NPAS3: variants seen among roughly 807,000 people sequenced by gnomAD.
The protein encoded by NPAS3 is neuronal PAS domain protein 3, also known as neuronal PAS domain-containing protein 3.
NPAS3 carries 14 observed loss-of-function variants against 73.1 expected under a neutral mutation model. The observed-to-expected ratio is 0.19, with a 90% CI of 0.13 to 0.30. The LOEUF is 0.30. Among genes scored for constraint, NPAS3 ranks in the 10% least tolerant of loss-of-function variants. The pLI, the probability that NPAS3 is intolerant of heterozygous loss-of-function variation, is 1.00. For missense variants in NPAS3, 1,096 were observed against 1,250.0 expected, an observed-to-expected ratio of 0.88 and a Z score of 1.86; for synonymous variants, 620 against 541.5, an observed-to-expected ratio of 1.14 and a Z score of -2.01.
intron 4 of NPAS3, among the ~76,000 whole-genome samples, chr14:33,537,571 T>C (rs1191486993): frequency 6.6e-6 from 1 of 152,176 alleles, no homozygotes; most frequent in Non-Finnish European, 1.5e-5. Flanking sequence ...AGTGAGATCA[T>C]CAACCTTATT....
chr14:33,638,206 T>C (rs1249974160), intron 5 of NPAS3, among the ~76,000 whole-genome samples: 1 of 152,216 alleles, frequency 6.6e-6, no homozygotes, highest in Non-Finnish European at 1.5e-5. Context: ...TTATATTACT[T>C]ATTTTAGGTT....
chr14:33,209,181 T>C (rs1365543863), intron 2 of NPAS3, among the ~76,000 whole-genome samples: 1 of 152,182 alleles, frequency 6.6e-6, no homozygotes, highest in African/African-American at 2.4e-5. Flanking sequence ...TTGTGATCTT[T>C]GTTGTGCATA....
intron 2 of NPAS3, among the ~76,000 whole-genome samples, chr14:33,193,757 G>A (rs1319415007): frequency 6.6e-6 from 1 of 152,132 alleles, no homozygotes; most frequent in Non-Finnish European, 1.5e-5. Context: ...CACCATCTCT[G>A]TGTTACAGTA....
chr14:33,631,431 G>A (rs2140137920), intron 5 of NPAS3, among the ~76,000 whole-genome samples: 1 of 152,300 alleles, frequency 6.6e-6, no homozygotes, highest in South Asian at 2.1e-4. Flanking sequence ...AGCTATGAAA[G>A]CCTTCAAAAC....
rs1214818038 is a variant in NPAS3 at position 33,031,927 on chromosome 14, C to T, written c.51-23978C>T. Among the ~76,000 whole-genome samples, 3 of 152,196 alleles carry T rather than the reference C, an allele frequency of 2.0e-5. No individual in the cohort carries two copies. The East Asian group carries it at 5.8e-4, about 29-fold the overall frequency. ...CGGAATGTAATAGACATATAATTTG[C>T]TGCATATAAGTAGACACAATTCTAA... On this transcript the variant is annotated intron_variant, in intron 1 of 11. Coordinates refer to ENST00000356141, the Ensembl canonical transcript of NPAS3.
intron 4 of NPAS3, among the ~76,000 whole-genome samples, chr14:33,498,702 C>A (rs575810633): frequency 8.9e-6 from 1 of 112,032 alleles, no homozygotes. Flanking sequence ...GATGGGGGGG[C>A]TAGGGAAGGG....
At chr14:33,469,759 T>G (rs960461730) in intron 4 of NPAS3, among the ~76,000 whole-genome samples, 2 of 152,216 alleles carry the variant, frequency 1.3e-5, no homozygotes, top group African/African-American at 4.8e-5. Context: ...CAGGCCACAT[T>G]CTGGTAAACA....
rs879400333 is a variant in NPAS3 at position 33,553,903 on chromosome 14, A to ATGTG, written c.469-6213_469-6210dup. Among the ~76,000 whole-genome samples the ATGTG allele has an allele frequency of 1.6e-3, 239 of 152,272 alleles. 1 individual carries two copies. Among genetic ancestry groups the ATGTG allele is most frequent in the African/African-American group, 5.3e-3 (221 of 41,562 alleles). On this transcript the variant is annotated intron_variant, in intron 4 of 11. Coordinates refer to ENST00000356141, the Ensembl canonical transcript of NPAS3. The stretch of plus-strand genomic sequence containing the variant: ...CTCCTTGAAGTCGCTTGGAGTCCAC[A>ATGTG]TGTGTGTGCCTGAGCAGTATAGCAT...
chr14:33,045,316 C>G (rs775112189), intron 1 of NPAS3, among the ~76,000 whole-genome samples: 4 of 152,158 alleles, frequency 2.6e-5, no homozygotes, highest in Non-Finnish European at 5.9e-5. Context: ...CTGAGATTTG[C>G]TGGAGAAATC....
chr14:33,525,193 A>G (rs971992963), intron 4 of NPAS3, among the ~76,000 whole-genome samples: 2 of 152,226 alleles, frequency 1.3e-5, no homozygotes, highest in Non-Finnish European at 2.9e-5. Context: ...TTAAAGAGCC[A>G]TTCAGTCATC....
chr14:32,964,553 A>G (rs2037070255), intron 1 of NPAS3, among the ~76,000 whole-genome samples: 1 of 152,252 alleles, frequency 6.6e-6, no homozygotes, highest in Admixed American at 6.5e-5. Flanking sequence ...GAAGATGTTT[A>G]AAATTCTATA....
intron 4 of NPAS3, among the ~76,000 whole-genome samples, chr14:33,429,984 C>G (rs2048715349): frequency 6.6e-6 from 1 of 152,120 alleles, no homozygotes; most frequent in South Asian, 2.1e-4. Flanking sequence ...ATCTGGTCAG[C>G]TCAATAGGGA....
chr14:33,170,951 G>A (rs1376134617), intron 2 of NPAS3, among the ~76,000 whole-genome samples: 2 of 152,178 alleles, frequency 1.3e-5, no homozygotes, highest in Admixed American at 6.5e-5. Flanking sequence ...ATCCAAAATG[G>A]TGAATCCTTT....
chr14:33,599,418 G>A (rs2057337139), intron 5 of NPAS3, among the ~76,000 whole-genome samples: 1 of 152,142 alleles, frequency 6.6e-6, no homozygotes, highest in Non-Finnish European at 1.5e-5. Context: ...TATGCAAAAT[G>A]TAAAGTTTTA....
chr14:33,368,931 A>T (rs1481909395), intron 4 of NPAS3, among the ~76,000 whole-genome samples: 2 of 152,228 alleles, frequency 1.3e-5, no homozygotes, highest in Non-Finnish European at 2.9e-5. Flanking sequence ...GACTTAGTCA[A>T]TGAAAAATTA....
At chr14:33,321,137 C>T (rs184087359) in intron 3 of NPAS3, among the ~76,000 whole-genome samples, 1 of 151,804 alleles carries the variant, frequency 6.6e-6, no homozygotes, top group Non-Finnish European at 1.5e-5. Flanking sequence ...AAAAGACTTC[C>T]TACCAGACAT....
intron 2 of NPAS3, among the ~76,000 whole-genome samples, chr14:33,063,769 G>C (rs2041187632): frequency 6.6e-6 from 1 of 152,084 alleles, no homozygotes; most frequent in Non-Finnish European, 1.5e-5. Flanking sequence ...CAGAACCTAA[G>C]GTCTAAACCA....
intron 4 of NPAS3, among the ~76,000 whole-genome samples, chr14:33,424,255 C>A (rs533564204): frequency 4.6e-5 from 7 of 151,898 alleles, no homozygotes; most frequent in African/African-American, 1.7e-4. Flanking sequence ...ATAGCATGTG[C>A]GGGGGCCCAG....
chr14:33,348,010 C>T (rs1466614689), intron 3 of NPAS3, among the ~76,000 whole-genome samples: 1 of 152,020 alleles, frequency 6.6e-6, no homozygotes, highest in Non-Finnish European at 1.5e-5. Context: ...CAGGAAGGTC[C>T]CTGTTTCTCA....
Sources: gnomAD v4.1 joint callset for allele counts (sites outside exome capture counted in the v4.1 genomes callset) on GRCh38, gnomAD v4.1.1 for gene constraint, MANE v1.5 for transcripts, NCBI Gene and HGNC (gene_info 2026-07-23, HGNC 2026-07-21) for gene names.